The following NAV2 variants were observed in gnomAD, a reference collection of about 807,000 sequenced individuals.
NAV2 encodes the protein neuron navigator 2.
Under a neutral mutation model 223.2 loss-of-function variants are expected in NAV2, and 54 were observed. The observed-to-expected ratio is 0.24, with a 90% CI of 0.19 to 0.30. NAV2 has a LOEUF of 0.30. Among genes scored for constraint, NAV2 ranks in the 10% least tolerant of loss-of-function variants. NAV2 has a pLI of 1.00. For missense variants in NAV2, 2,806 were observed against 3,147.5 expected (o/e 0.89, Z 2.60); for synonymous variants, 1,279 against 1,239.3 (o/e 1.03, Z -0.67).
At chr11:19,386,540 G>A (rs937418805) in intron 1 of NAV2, among the ~76,000 whole-genome samples, 9 of 152,162 alleles carry the variant, frequency 5.9e-5, no homozygotes, top group African/African-American at 1.4e-4. Context: ...CAGAGACAGC[G>A]GGAGACAGTG....
intron 1 of NAV2, among the ~76,000 whole-genome samples, chr11:19,552,286 G>A (rs1464886441): frequency 6.6e-6 from 1 of 152,220 alleles, no homozygotes; most frequent in African/African-American, 2.4e-5. Context: ...GACAGATGGA[G>A]ACACCAGAGG....
chr11:19,421,682 G>A (rs1850618207), intron 1 of NAV2, among the ~76,000 whole-genome samples: 1 of 149,324 alleles, frequency 6.7e-6, no homozygotes, highest in Non-Finnish European at 1.5e-5. Flanking sequence ...ACTGAGGCTG[G>A]AAATGGTGGG....
intron 3 of NAV2, among the ~76,000 whole-genome samples, chr11:19,859,137 CTTTTTTTT>C (rs569446282): frequency 4.7e-5 from 5 of 107,112 alleles, no homozygotes; most frequent in South Asian, 4.3e-4. Context: ...ATCATATTCT[CTTTTTTTT>C]TTTTTTTTTT....
intron 1 of NAV2, among the ~76,000 whole-genome samples, chr11:19,558,429 G>A (rs138990445): frequency 1.8e-4 from 27 of 152,328 alleles, no homozygotes; most frequent in African/African-American, 6.3e-4. Flanking sequence ...ATGGCATTGT[G>A]CCAAACCCCT....
intron 1 of NAV2, among the ~76,000 whole-genome samples, chr11:19,603,765 A>G (rs1350819895): frequency 6.6e-6 from 1 of 152,158 alleles, no homozygotes; most frequent in African/African-American, 2.4e-5. Context: ...GATGTATAAC[A>G]TTAACTGGTA....
chr11:19,930,859 T>G (rs908535223), intron 6 of NAV2, among the ~76,000 whole-genome samples: 1 of 152,222 alleles, frequency 6.6e-6, no homozygotes, highest in South Asian at 2.1e-4. Flanking sequence ...TGTAGGCTGC[T>G]GTATTTCAAA....
intron 1 of NAV2, among the ~76,000 whole-genome samples, chr11:19,723,292 A>G (rs2152378323): frequency 6.6e-6 from 1 of 152,350 alleles, no homozygotes. Flanking sequence ...ATATTATTGA[A>G]CTTACTTTAC....
chr11:19,726,431 G>A (rs532511216), intron 1 of NAV2, among the ~76,000 whole-genome samples: 5 of 152,262 alleles, frequency 3.3e-5, no homozygotes, highest in South Asian at 2.1e-4. Context: ...AGGATGCCAC[G>A]CCTCAGGGCC....
intron 10 of NAV2, among the ~76,000 whole-genome samples, chr11:19,968,475 C>T (rs1158739039): frequency 6.6e-6 from 1 of 152,194 alleles, no homozygotes; most frequent in African/African-American, 2.4e-5. Flanking sequence ...CCACCTCGGC[C>T]TCCCAGAATG....
chr11:20,005,261 T>A (rs989183463), intron 11 of NAV2, among the ~76,000 whole-genome samples: 634 of 57,236 alleles, frequency 0.011, 3 homozygotes, highest in African/African-American at 0.022. Context: ...ATATTTTTTT[T>A]TTTTTTTGAG....
intron 6 of NAV2, among the ~76,000 whole-genome samples, chr11:19,899,578 G>C (rs551753910): frequency 2.0e-5 from 3 of 152,108 alleles, no homozygotes; most frequent in Non-Finnish European, 4.4e-5. Context: ...ACTGGTTGTC[G>C]TGACAGGCAG....
At chr11:19,355,255 T>C (rs1180568853) in intron 1 of NAV2, among the ~76,000 whole-genome samples, 1 of 149,538 alleles carries the variant, frequency 6.7e-6, no homozygotes, top group East Asian at 1.9e-4. Context: ...TTGGTTGTTT[T>C]TTTTTTTTTT....
intron 1 of NAV2, among the ~76,000 whole-genome samples, chr11:19,593,429 C>A (rs1307543257): frequency 6.6e-6 from 1 of 152,120 alleles, no homozygotes; most frequent in East Asian, 1.9e-4. Context: ...GACTGACAGA[C>A]CATGGTTTAA....
chr11:19,655,052 A>G lies in NAV2; in HGVS notation c.76-177432A>G, dbSNP rs574463239. Reference sequence around the variant, plus strand: ...ACTCCAACAAATTTACCACAAAAAAACAAACAACCCCATCAACAAGTGGGT... The same window carrying G: ...ACTCCAACAAATTTACCACAAAAAAGCAAACAACCCCATCAACAAGTGGGT... On this transcript the variant is annotated intron_variant, in intron 1 of 37. Transcript: ENST00000360655. Among the ~76,000 whole-genome samples, 11 of 152,354 alleles carry G rather than the reference A, an allele frequency of 7.2e-5. No homozygotes were observed. The South Asian group carries it at 2.3e-3, about 32-fold the overall frequency.
chr11:19,879,749 T>G, intron 4 of NAV2, 120 bp from the exon 5 acceptor site: 1 of 1,129,050 alleles, frequency 8.9e-7, no homozygotes, highest in Non-Finnish European at 1.3e-6. Flanking sequence ...GTGATACCAA[T>G]GAAGTGTTCA....
intron 1 of NAV2, among the ~76,000 whole-genome samples, chr11:19,532,029 G>T (rs2044041891): frequency 6.6e-6 from 1 of 152,144 alleles, no homozygotes; most frequent in Non-Finnish European, 1.5e-5. Context: ...AATTAGGTTG[G>T]TGCAAAAGTA....
At chr11:19,412,446 C>T (rs1215498943) in intron 1 of NAV2, among the ~76,000 whole-genome samples, 2 of 152,158 alleles carry the variant, frequency 1.3e-5, no homozygotes, top group Admixed American at 6.5e-5. Context: ...ATAAAACTCC[C>T]ATCTCCCTGG....
intron 1 of NAV2, among the ~76,000 whole-genome samples, chr11:19,682,326 T>C (rs1489313351): frequency 6.6e-6 from 1 of 152,202 alleles, no homozygotes; most frequent in Non-Finnish European, 1.5e-5. Context: ...TATCTCATAA[T>C]CCAATTGTTA....
At chr11:19,941,841 T>TA (rs1180535684) in intron 8 of NAV2, among the ~76,000 whole-genome samples, 4 of 152,190 alleles carry the variant, frequency 2.6e-5, no homozygotes, top group Non-Finnish European at 5.9e-5. Flanking sequence ...TCTTTATTCT[T>TA]ACATTTCCAA....
Sources: allele counts gnomAD v4.1 joint callset (sites outside exome capture counted in the v4.1 genomes callset), GRCh38; gene constraint gnomAD v4.1.1; transcripts MANE v1.5; gene names NCBI Gene and HGNC (gene_info 2026-07-23, HGNC 2026-07-21).